GLG1: variants seen among roughly 807,000 people sequenced by gnomAD.
The protein encoded by GLG1 is golgi glycoprotein 1.
GLG1 carries 38 observed loss-of-function variants against 160.5 expected under a neutral mutation model. That is an observed-to-expected ratio of 0.24 (90% CI 0.18 to 0.31). The LOEUF (loss-of-function observed/expected upper bound fraction) is 0.31, where lower values mean the gene tolerates loss of function less well. Among genes scored for constraint, GLG1 ranks in the 10% least tolerant of loss-of-function variants. GLG1 has a pLI of 1.00. For synonymous variants in GLG1, 644 were observed against 543.4 expected, an observed-to-expected ratio of 1.19 and a Z score of -2.57; for missense variants, 1,373 against 1,505.2, an observed-to-expected ratio of 0.91 and a Z score of 1.45.
At chr16:74,590,800 AAAAAAAAAAAAG>A (rs955444498) in intron 1 of GLG1, among the ~76,000 whole-genome samples, 4 of 150,320 alleles carry the variant, frequency 2.7e-5, no homozygotes, top group African/African-American at 7.3e-5. Context: ...TGTCTCAAAA[AAAAAAAAAAAAG>A]AAAAAAAAAA....
intron 1 of GLG1, among the ~76,000 whole-genome samples, chr16:74,564,643 G>A (rs2018599871): frequency 6.6e-6 from 1 of 152,106 alleles, no homozygotes; most frequent in South Asian, 2.1e-4. Flanking sequence ...CTAAGTTTCA[G>A]TAACACTCAC....
chr16:74,453,242 G>A lies in GLG1; in HGVS notation c.3465C>T (p.Ile1155=). The change falls in exon 26 of 26, where the codon ATC becomes ATT. Residue 1155 remains isoleucine (I), a synonymous_variant. Coordinates refer to ENST00000422840, the MANE Select transcript of GLG1 (RefSeq NM_001145667.2). The part of the protein sequence containing the change: ...NYILSVISGS[I]CILFLIGLMC... The stretch of plus-strand genomic sequence containing the variant: ...TCAGGCCAATCAGGAACAATATACA[G>A]ATGCTCCCACTGATCACAGAGAGAA... The A allele has an allele frequency of 6.2e-7, 1 of 1,613,456 alleles. No individual in the cohort carries two copies. Among genetic ancestry groups the A allele is most frequent in the Non-Finnish European group, 8.5e-7 (1 of 1,179,404 alleles).
intron 8 of GLG1, among the ~76,000 whole-genome samples, chr16:74,487,442 C>A (rs1028519727): frequency 2.6e-5 from 4 of 151,160 alleles, no homozygotes; most frequent in African/African-American, 9.7e-5. Context: ...AAGGAAAAAA[C>A]CACAAACTTC....
chr16:74,602,263 G>C (rs1362952791), intron 1 of GLG1, among the ~76,000 whole-genome samples: 1 of 152,054 alleles, frequency 6.6e-6, no homozygotes, highest in African/African-American at 2.4e-5. Flanking sequence ...TATAATCTGA[G>C]ACTGATATAT....
intron 4 of GLG1, among the ~76,000 whole-genome samples, chr16:74,500,497 A>C (rs1010848594): frequency 6.6e-6 from 1 of 151,840 alleles, no homozygotes; most frequent in Admixed American, 6.6e-5. Context: ...AACCAACAAC[A>C]GATGCTAACA....
intron 4 of GLG1, among the ~76,000 whole-genome samples, chr16:74,501,234 C>G (rs2016393118): frequency 6.6e-6 from 1 of 152,132 alleles, no homozygotes; most frequent in Non-Finnish European, 1.5e-5. Context: ...GGCTGTAGTA[C>G]AGAGTGAATG....
chr16:74,492,354 A>G (rs988759105), intron 7 of GLG1, among the ~76,000 whole-genome samples: 2 of 149,382 alleles, frequency 1.3e-5, no homozygotes, highest in African/African-American at 5.0e-5. Flanking sequence ...TGACAAAGCG[A>G]GACTCTGTCT....
At chr16:74,508,782 T>C in intron 3 of GLG1, 57 bp downstream of exon 3, 1 of 768,022 alleles carries the variant, frequency 1.3e-6, no homozygotes, top group South Asian at 1.4e-5. Flanking sequence ...TAAGGGCTGG[T>C]CTGGTAATTT....
intron 1 of GLG1, among the ~76,000 whole-genome samples, chr16:74,533,541 G>C (rs1235802870): frequency 6.6e-6 from 1 of 152,166 alleles, no homozygotes; most frequent in Non-Finnish European, 1.5e-5. Context: ...AGCACTTTGG[G>C]AGGCCGAGGC....
rs370537454 is a variant in GLG1, at chr16:74,604,573, T to C, written c.438+2084A>G. 7.9e-5 allele frequency among the ~76,000 whole-genome samples: 12 copies of C among 152,370 alleles called. No individual in the cohort carries two copies. The South Asian group carries it at 2.5e-3, about 32-fold the overall frequency. On this transcript the variant is annotated intron_variant, in intron 1 of 25. Transcript: ENST00000422840. Reference sequence around the variant, plus strand: ...ATGCAAAGGGACAGAAAAGTACATATATCTATTTCACTATCAAATAGTTCT... The same window carrying C: ...ATGCAAAGGGACAGAAAAGTACATACATCTATTTCACTATCAAATAGTTCT...
intron 1 of GLG1, among the ~76,000 whole-genome samples, chr16:74,555,488 A>G (rs929344861): frequency 6.6e-6 from 1 of 152,106 alleles, no homozygotes; most frequent in African/African-American, 2.4e-5. Flanking sequence ...GGAGTTCAAG[A>G]CCAGCCTGGG....
intron 2 of GLG1, among the ~76,000 whole-genome samples, chr16:74,511,586 A>T (rs1243887999): frequency 2.6e-4 from 21 of 79,810 alleles, no homozygotes; most frequent in African/African-American, 6.2e-4. Context: ...TTTTTTTTTT[A>T]AAAAAAAAAA....
intron 4 of GLG1, among the ~76,000 whole-genome samples, chr16:74,502,686 G>A (rs1435228324): frequency 2.7e-5 from 4 of 148,592 alleles, no homozygotes; most frequent in Non-Finnish European, 5.9e-5. Flanking sequence ...TGGGACTACA[G>A]ACACCTGCCA....
chr16:74,475,669 T>A (rs999535206), intron 12 of GLG1, among the ~76,000 whole-genome samples: 1 of 152,176 alleles, frequency 6.6e-6, no homozygotes, highest in African/African-American at 2.4e-5. Context: ...ACAAAGCATA[T>A]CAACAGCTAT....
At chr16:74,468,671 A>G in intron 17 of GLG1, 1 of 394,748 alleles carries the variant, frequency 2.5e-6, no homozygotes, top group African/African-American at 2.0e-5. Flanking sequence ...CCAGCCCCTG[A>G]GGACATTACT....
chr16:74,504,076 G>A (rs560465730), intron 3 of GLG1, among the ~76,000 whole-genome samples: 1 of 152,248 alleles, frequency 6.6e-6, no homozygotes, highest in African/African-American at 2.4e-5. Flanking sequence ...TACAGCTTTG[G>A]CATGGTCCTA....
At chr16:74,558,889 C>G (rs1320651782) in intron 1 of GLG1, among the ~76,000 whole-genome samples, 2 of 152,072 alleles carry the variant, frequency 1.3e-5, no homozygotes, top group African/African-American at 4.8e-5. Flanking sequence ...CTTCTTTTTA[C>G]TTTTTATATT....
chr16:74,541,203 A>G (rs1472293016), intron 1 of GLG1, among the ~76,000 whole-genome samples: 1 of 151,876 alleles, frequency 6.6e-6, no homozygotes, highest in Non-Finnish European at 1.5e-5. Flanking sequence ...GCATGCCTGT[A>G]GTCCCAGCTA....
chr16:74,541,155 C>G (rs1441455216), intron 1 of GLG1, among the ~76,000 whole-genome samples: 2 of 151,886 alleles, frequency 1.3e-5, no homozygotes, highest in Non-Finnish European at 1.5e-5. Context: ...GAAACCCTGT[C>G]TCTACTAAAA....
Sources: allele counts gnomAD v4.1 joint callset (sites outside exome capture counted in the v4.1 genomes callset), GRCh38; gene constraint gnomAD v4.1.1; transcripts MANE v1.5; gene names NCBI Gene and HGNC (gene_info 2026-07-23, HGNC 2026-07-21).